BBS12: variants seen among roughly 807,000 people sequenced by gnomAD.
BBS12 encodes chaperonin-containing T-complex member BBS12.
A neutral mutation model predicts 5.6 loss-of-function variants in BBS12; 5 were observed. The observed-to-expected ratio is 0.89, with a 90% CI of 0.46 to 1.86. The LOEUF (loss-of-function observed/expected upper bound fraction) is 1.86, where lower values mean the gene tolerates loss of function less well. Among genes scored for constraint, BBS12 ranks in the 40% most tolerant of loss-of-function variants. BBS12 has a pLI of 0.01. For synonymous variants in BBS12, 308 were observed against 306.8 expected (o/e 1.00, Z -0.04); for missense variants, 748 against 830.4 (o/e 0.90, Z 1.22).
the BBS12 span, among the ~76,000 whole-genome samples, chr4:122,710,361 G>A: frequency 1.3e-5 from 2 of 152,208 alleles, no homozygotes; most frequent in African/African-American, 4.8e-5. Flanking sequence ...AAACTGGAAA[G>A]CCATTCAACT....
At chr4:122,726,228 GA>G in the BBS12 span, among the ~76,000 whole-genome samples, 2 of 151,244 alleles carry the variant, frequency 1.3e-5, no homozygotes, top group Non-Finnish European at 3.0e-5. Flanking sequence ...AAATTAGCAA[GA>G]AAAAAAACGA....
At chr4:122,716,279 A>G in the BBS12 span, among the ~76,000 whole-genome samples, 1 of 152,136 alleles carries the variant, frequency 6.6e-6, no homozygotes, top group African/African-American at 2.4e-5. Flanking sequence ...TATTTAAATT[A>G]TGAAATTTAC....
the BBS12 span, among the ~76,000 whole-genome samples, chr4:122,707,054 CTTTTTTTTTTT>C: frequency 1.4e-5 from 1 of 72,254 alleles, no homozygotes; most frequent in African/African-American, 6.4e-5. Flanking sequence ...CTCTCTCTCT[CTTTTTTTTTTT>C]TTTTTTTTTT....
intron 1 of BBS12, among the ~76,000 whole-genome samples, chr4:122,735,154 G>T (rs940956655): frequency 8.5e-5 from 13 of 152,200 alleles, no homozygotes. Flanking sequence ...AGAAAGGAGG[G>T]ACAACTCTAC....
chr4:122,741,177 GTTT>G (rs79598897), intron 1 of BBS12, among the ~76,000 whole-genome samples: 2 of 151,380 alleles, frequency 1.3e-5, no homozygotes, highest in African/African-American at 4.9e-5. Flanking sequence ...TCCACTACAT[GTTT>G]TTTTTTGTTG....
chr4:122,711,445 A>G, the BBS12 span, among the ~76,000 whole-genome samples: 1 of 151,934 alleles, frequency 6.6e-6, no homozygotes, highest in Non-Finnish European at 1.5e-5. Flanking sequence ...TTGGAGCTTG[A>G]TGGGCTCCAC....
At chr4:122,713,168 T>G in the BBS12 span, among the ~76,000 whole-genome samples, 1 of 152,234 alleles carries the variant, frequency 6.6e-6, no homozygotes, top group South Asian at 2.1e-4. Context: ...TATGTGGCTA[T>G]CATTAGAATA....
chr4:122,709,538 G>A, the BBS12 span, among the ~76,000 whole-genome samples: 1 of 152,162 alleles, frequency 6.6e-6, no homozygotes, highest in East Asian at 1.9e-4. Context: ...AGGTTACTCA[G>A]TGACTTTGAA....
rs373082306 is a variant in BBS12 at position 122,743,986 on chromosome 4, G to T, written c.2094G>T (p.Gln698His). 2 of 1,614,070 alleles carry T rather than the reference G, an allele frequency of 1.2e-6. No homozygotes were observed. Among genetic ancestry groups the T allele is most frequent in the Non-Finnish European group, 1.7e-6 (2 of 1,179,952 alleles). ...SEIITGHGHT[Q>H]INSQELTGFL... is the part of the protein sequence containing the mutation. ...TAATTACTGGACATGGACACACACAGATAAATTCACAGGAATTAACGGGCT... is the reference window on the plus strand; with the variant it reads ...TAATTACTGGACATGGACACACACATATAAATTCACAGGAATTAACGGGCT... Residue 698 changes from glutamine (Q) to histidine (H), a missense_variant, in exon 2 of 2, where the codon CAG becomes CAT. Gln to His is a conservative substitution (Grantham distance 24). Transcript: ENST00000314218.
chr4:122,720,802 T>A, the BBS12 span, among the ~76,000 whole-genome samples: 1 of 149,338 alleles, frequency 6.7e-6, no homozygotes, highest in African/African-American at 2.5e-5. Flanking sequence ...TCATGTAAAA[T>A]AAAATTATGA....
At chr4:122,729,821 C>T (rs553739726), upstream of BBS12, 113 of 152,276 alleles carry the variant, frequency 7.4e-4, no homozygotes, top group African/African-American at 2.5e-3. Context: ...GTGGCAGGTA[C>T]CTGTAGTCCC....
At position 122,744,298 on chromosome 4, in the gene BBS12, G is replaced by A. The variant is rs1800953746; in HGVS notation, c.*273G>A. 1 of 393,164 alleles carries A rather than the reference G, an allele frequency of 2.5e-6. No individual in the cohort carries two copies. Among genetic ancestry groups the A allele is most frequent in the Non-Finnish European group, 4.8e-6 (1 of 207,790 alleles). 24.4% of individuals were successfully genotyped at this position (393,164 alleles called of 1,614,324 possible). A position where few individuals can be genotyped will look rare whatever the true frequency, so the allele number is the denominator to read the frequency against. ...GCTCACAGCAAAAGCTGTAGCCAGA[G>A]CTTCATGTTGGTTTTATTCAGTTCC... On this transcript the variant is annotated 3_prime_UTR_variant, in exon 2 of 2. Transcript: ENST00000314218.
At chr4:122,720,065 A>T in the BBS12 span, among the ~76,000 whole-genome samples, 3 of 152,244 alleles carry the variant, frequency 2.0e-5, no homozygotes, top group African/African-American at 4.8e-5. Context: ...AACAAGACCA[A>T]ATAACTAAAA....
chr4:122,714,623 AATATAAATAT>A, the BBS12 span, among the ~76,000 whole-genome samples: 4 of 151,186 alleles, frequency 2.6e-5, no homozygotes, highest in Admixed American at 1.3e-4. Context: ...CTACCAAATA[AATATAAATAT>A]ATATAAATAT....
chr4:122,732,236 T>C (rs1800706903), upstream of BBS12: 1 of 152,242 alleles, frequency 6.6e-6, no homozygotes. Flanking sequence ...ATTATATAAC[T>C]GGAATAGTTA....
the BBS12 span, among the ~76,000 whole-genome samples, chr4:122,710,703 G>GTT: frequency 6.1e-5 from 9 of 146,726 alleles, no homozygotes; most frequent in African/African-American, 1.5e-4. Flanking sequence ...GCATTTGTGC[G>GTT]TTTTTTTTTT....
At chr4:122,705,128 A>G in the BBS12 span, among the ~76,000 whole-genome samples, 1 of 152,222 alleles carries the variant, frequency 6.6e-6, no homozygotes, top group Admixed American at 6.5e-5. Context: ...TAAGCACAAG[A>G]ATGAGCACAT....
Position 122,742,440 on chromosome 4 carries a change from CACTG to C in BBS12, c.551_554del (p.Leu184ProfsTer32). Reference sequence around the variant, plus strand: ...GGTCTCAAAGATGTTGCCTCTCAAACACTGACCATTTCCAACCTTTCTGGGAGAC... The same window carrying C: ...GGTCTCAAAGATGTTGCCTCTCAAACACCATTTCCAACCTTTCTGGGAGAC... On this transcript the variant is annotated frameshift_variant, in exon 2 of 2. Coordinates refer to ENST00000314218, the MANE Select transcript of BBS12 (RefSeq NM_152618.3). LOFTEE classifies it low-confidence loss of function (END_TRUNC). 1 of 1,614,196 alleles carries C rather than the reference CACTG, an allele frequency of 6.2e-7. No homozygotes were observed. Among genetic ancestry groups the C allele is most frequent in the Non-Finnish European group, 8.5e-7 (1 of 1,180,026 alleles).
the BBS12 span, among the ~76,000 whole-genome samples, chr4:122,704,151 G>A: frequency 6.6e-6 from 1 of 152,168 alleles, no homozygotes; most frequent in Non-Finnish European, 1.5e-5. Flanking sequence ...TGCCTGGCCA[G>A]GTCTTGAATC....
Sources: allele counts gnomAD v4.1 joint callset (sites outside exome capture counted in the v4.1 genomes callset), GRCh38; gene constraint gnomAD v4.1.1; transcripts MANE v1.5; gene names NCBI Gene and HGNC (gene_info 2026-07-23, HGNC 2026-07-21).